Variants in ERMP1 observed in about 807,000 individuals in gnomAD.
The protein encoded by ERMP1 is Felix-ina.
A neutral mutation model predicts 92.0 loss-of-function variants in ERMP1; 86 were observed. The ratio of observed to expected loss-of-function variants is 0.93; its 90% CI spans 0.79 to 1.12. The LOEUF is 1.12. ERMP1 is among the 50% of genes most tolerant of loss of function. ERMP1 has a pLI of 0.00. For missense variants in ERMP1, 1,342 were observed against 1,116.3 expected (o/e 1.20, Z -2.88); for synonymous variants, 530 against 412.8 (o/e 1.28, Z -3.44).
At position 5,833,089 on chromosome 9, in the gene ERMP1, A is replaced by G; in HGVS notation, c.-62T>C. 1 of 1,352,446 alleles carries G rather than the reference A, an allele frequency of 7.4e-7. No homozygotes were observed. The highest frequency in any genetic ancestry group is 9.5e-7 in the Non-Finnish European group (1 of 1,047,414). 83.8% of individuals were successfully genotyped at this position (1,352,446 alleles called of 1,614,324 possible). A position where few individuals can be genotyped will look rare whatever the true frequency, so the allele number is the denominator to read the frequency against. The stretch of plus-strand genomic sequence containing the variant: ...CCCGCGACAGCCCCGGCCGCCGCCG[A>G]CGCCGCCGTCGCTGCCGCAGCGCCT... On this transcript the variant is annotated 5_prime_UTR_variant, in exon 1 of 15. Transcript: ENST00000339450.
At chr9:5,818,346 G>A (rs1245413135) in intron 4 of ERMP1, among the ~76,000 whole-genome samples, 2 of 152,168 alleles carry the variant, frequency 1.3e-5, no homozygotes, top group African/African-American at 4.8e-5. Flanking sequence ...AAAAATTAAT[G>A]ATGGAAGAAA....
intron 6 of ERMP1, among the ~76,000 whole-genome samples, chr9:5,853,732 C>A (rs966710029): frequency 6.6e-6 from 1 of 151,128 alleles, no homozygotes; most frequent in Non-Finnish European, 1.5e-5. Context: ...GTGTTAGAAT[C>A]ACCCAGAAGG....
upstream of ERMP1, among the ~76,000 whole-genome samples, chr9:5,837,072 A>T (rs1030478734): frequency 6.6e-6 from 1 of 152,208 alleles, no homozygotes; most frequent in Non-Finnish European, 1.5e-5. Flanking sequence ...GGCCTAGTAG[A>T]AAAGAGATTC....
In ERMP1 at chr9:5,810,185, C is replaced by G. The variant is rs1379458412; in HGVS notation, c.1374G>C (p.Leu458Phe). 9.3e-6 allele frequency: 15 copies of G among 1,614,032 alleles called. No homozygotes were observed. The highest frequency in any genetic ancestry group is 1.3e-5 in the Non-Finnish European group (15 of 1,180,012). Residue 458 changes from leucine to phenylalanine, a missense_variant, in exon 8 of 15, where the codon TTG becomes TTC. Leu to Phe is a conservative substitution (Grantham distance 22, BLOSUM62 0). Coordinates refer to ENST00000339450, the MANE Select transcript of ERMP1 (RefSeq NM_024896.3). ...TAACAAGGCTAGTGAACCAGCTGATCAAAGTGATGCCAAGTCCACACAAGA... is the reference window on the plus strand; with the variant it reads ...TAACAAGGCTAGTGAACCAGCTGATGAAAGTGATGCCAAGTCCACACAAGA... Reference protein sequence around the residue: ...KDFLCGLGITLISWFTSLVTV... With the variant: ...KDFLCGLGITFISWFTSLVTV...
intron 6 of ERMP1, among the ~76,000 whole-genome samples, chr9:5,858,791 T>A (rs1314061882): frequency 6.6e-6 from 1 of 152,144 alleles, no homozygotes; most frequent in Non-Finnish European, 1.5e-5. Flanking sequence ...CAGTTCAACG[T>A]CAAGTAGTCA....
chr9:5,848,538 G>T (rs1830266752), intron 6 of ERMP1, among the ~76,000 whole-genome samples: 1 of 152,162 alleles, frequency 6.6e-6, no homozygotes, highest in African/African-American at 2.4e-5. Flanking sequence ...ACAAGGAGTG[G>T]CAGAAAGAAA....
intron 4 of ERMP1, among the ~76,000 whole-genome samples, chr9:5,813,666 G>A (rs1288747301): frequency 2.0e-5 from 3 of 151,778 alleles, no homozygotes; most frequent in African/African-American, 7.3e-5. Flanking sequence ...TTTCAGATTA[G>A]GGATGCTCAA....
chr9:5,856,281 G>T, intron 6 of ERMP1: 1 of 265,028 alleles, frequency 3.8e-6, no homozygotes. Context: ...ACTGTTCTCT[G>T]TTTATTGTTT....
chr9:5,839,788 CAAAGGAGA>C (rs1330651379), intron 6 of ERMP1, among the ~76,000 whole-genome samples: 5 of 152,032 alleles, frequency 3.3e-5, no homozygotes, highest in African/African-American at 4.8e-5. Flanking sequence ...CCAAGATGCC[CAAAGGAGA>C]AAAGAGACAA....
chr9:5,801,225 G>T lies in ERMP1; in HGVS notation c.2018C>A (p.Pro673Gln). The T allele has an allele frequency of 1.2e-6, 2 of 1,613,650 alleles. No individual in the cohort carries two copies. Among genetic ancestry groups the T allele is most frequent in the South Asian group, 2.2e-5 (2 of 90,990 alleles). ...CGGATTAGCAGGATTGGAGCTATAT[G>T]GAAAAAATGTTCCACTGCAAACAAG... ...FLLVCSGTFF[P>Q]YSSNPANPKP... Residue 673 changes from proline (P) to glutamine (Q), a missense_variant, in exon 11 of 15, where the codon CCA (proline) becomes CAA (glutamine). Pro to Gln is a moderately conservative substitution (Grantham distance 76). Coordinates refer to ENST00000339450, the MANE Select transcript of ERMP1 (RefSeq NM_024896.3).
In ERMP1 at chr9:5,832,811, C is replaced by G. The variant is rs910451071; in HGVS notation, c.217G>C (p.Ala73Pro). ...GAGTGLSEVR[A>P]ALGLALYLIA... ...AGGTAGAGCGCGAGCCCCAGCGCGG[C>G]GCGCACCTCAGACAGCCCGGTCCCC... The change falls in exon 1 of 15, where the codon GCC becomes CCC. Residue 73 changes from alanine to proline, a missense_variant. By Grantham distance (27) the Ala-to-Pro change is conservative. Transcript: ENST00000339450. The G allele has an allele frequency of 1.3e-5, 20 of 1,501,416 alleles. No individual in the cohort carries two copies. Among genetic ancestry groups the G allele is most frequent in the Non-Finnish European group, 1.4e-5 (16 of 1,133,412 alleles). The allele number at this position is 1,501,416 out of a possible 1,614,324, so 93.0% of individuals were successfully genotyped here.
chr9:5,791,731 T>C (rs1179806082), intron 13 of ERMP1, among the ~76,000 whole-genome samples: 2 of 152,196 alleles, frequency 1.3e-5, no homozygotes, highest in East Asian at 1.9e-4. Context: ...CCAAGTAGAA[T>C]GCTTTAAAAG....
At chr9:5,798,766 G>A in intron 12 of ERMP1, 40 bp downstream of exon 12, 1 of 1,353,426 alleles carries the variant, frequency 7.4e-7, no homozygotes, top group South Asian at 1.2e-5. Context: ...GACAAGACTT[G>A]AGAACAAACT....
rs1829138738 is a variant in ERMP1, at chr9:5,812,599, A to G, written c.1021+290T>C. The G allele has an allele frequency of 9.0e-6, 4 of 446,554 alleles. No individual in the cohort carries two copies. In the South Asian group the frequency reaches 1.0e-4, roughly 11 times the overall value. 27.7% of individuals were successfully genotyped at this position (446,554 alleles called of 1,614,324 possible). A position where few individuals can be genotyped will look rare whatever the true frequency, so the allele number is the denominator to read the frequency against. ...GCCAAGGGAGTTGGCAAACCAAGACAACAACGAAAGACCCCTGAAGGATCT... is the reference window on the plus strand; with the variant it reads ...GCCAAGGGAGTTGGCAAACCAAGACGACAACGAAAGACCCCTGAAGGATCT... On this transcript the variant is annotated intron_variant, in intron 5 of 14. Coordinates refer to ENST00000339450, the MANE Select transcript of ERMP1 (RefSeq NM_024896.3).
At chr9:5,816,385 G>A (rs193285013) in intron 4 of ERMP1, among the ~76,000 whole-genome samples, 2 of 152,122 alleles carry the variant, frequency 1.3e-5, no homozygotes, top group Non-Finnish European at 2.9e-5. Context: ...CAATTGACAT[G>A]ATTTTTCTCT....
At chr9:5,788,708 AAAG>A (rs959754480) in intron 13 of ERMP1, among the ~76,000 whole-genome samples, 19 of 152,148 alleles carry the variant, frequency 1.2e-4, no homozygotes, top group African/African-American at 4.6e-4. Flanking sequence ...TTGGAAAAAA[AAAG>A]AAATAACCAT....
At chr9:5,853,865 C>A (rs1440518479) in intron 6 of ERMP1, among the ~76,000 whole-genome samples, 1 of 150,896 alleles carries the variant, frequency 6.6e-6, no homozygotes, top group Admixed American at 6.6e-5. Context: ...TCAGAGACAC[C>A]CTGAGTAGCA....
intron 13 of ERMP1, among the ~76,000 whole-genome samples, chr9:5,788,943 A>G (rs949381251): frequency 6.6e-6 from 1 of 152,196 alleles, no homozygotes; most frequent in African/African-American, 2.4e-5. Flanking sequence ...GGAAAATTTA[A>G]TAACAGTCAT....
At chr9:5,833,457 T>C (rs1209293298), upstream of ERMP1, among the ~76,000 whole-genome samples, 2 of 152,198 alleles carry the variant, frequency 1.3e-5, no homozygotes, top group Non-Finnish European at 2.9e-5. Context: ...AAAAGTGGGT[T>C]CCTGGCTCTT....
Sources: allele counts gnomAD v4.1 joint callset (sites outside exome capture counted in the v4.1 genomes callset), GRCh38; gene constraint gnomAD v4.1.1; transcripts MANE v1.5; gene names NCBI Gene and HGNC (gene_info 2026-07-23, HGNC 2026-07-21).